The following TENM2 variants were observed in gnomAD, a reference collection of about 807,000 sequenced individuals.
TENM2 encodes teneurin transmembrane protein 2.
In TENM2, 52 loss-of-function variants were observed where a neutral mutation model predicts 245.2. The observed-to-expected ratio is 0.21, with a 90% CI of 0.17 to 0.27. TENM2 has a LOEUF of 0.27. Among genes scored for constraint, TENM2 ranks in the 10% least tolerant of loss-of-function variants. TENM2 has a pLI of 1.00. For synonymous variants in TENM2, 1,363 were observed against 1,438.9 expected (o/e 0.95, Z 1.19); for missense variants, 3,046 against 3,666.8 (o/e 0.83, Z 4.37).
At chr5:167,973,186 A>G (rs141579544) in intron 4 of TENM2, among the ~76,000 whole-genome samples, 72 of 152,370 alleles carry the variant, frequency 4.7e-4, no homozygotes, top group African/African-American at 1.6e-3. Context: ...AAGCATTATG[A>G]TCAAGGGCTT....
At chr5:167,339,781 T>C (rs115115790) in intron 1 of TENM2, among the ~76,000 whole-genome samples, 3,934 of 152,160 alleles carry the variant, frequency 0.026, 186 homozygotes, top group African/African-American at 0.09. Flanking sequence ...TAAAAGGGCT[T>C]GATGGAGATA....
At chr5:167,445,373 T>C (rs1168419901) in intron 2 of TENM2, among the ~76,000 whole-genome samples, 1 of 30,410 alleles carries the variant, frequency 3.3e-5, no homozygotes, top group Non-Finnish European at 6.6e-5. Context: ...AGAGAGAGTG[T>C]CAGGTGTTGT....
At chr5:168,137,270 G>C (rs1755136843) in intron 12 of TENM2, among the ~76,000 whole-genome samples, 1 of 152,220 alleles carries the variant, frequency 6.6e-6, no homozygotes, top group East Asian at 1.9e-4. Flanking sequence ...GGTTGGCCCA[G>C]AAGGGTCATC....
At chr5:167,336,579 T>A (rs1757767837) in intron 1 of TENM2, among the ~76,000 whole-genome samples, 1 of 151,990 alleles carries the variant, frequency 6.6e-6, no homozygotes, top group African/African-American at 2.4e-5. Flanking sequence ...ATTCCAAGGC[T>A]CCTTATACTC....
chr5:167,295,548 CTG>C (rs895234075), intron 1 of TENM2, among the ~76,000 whole-genome samples: 1 of 152,190 alleles, frequency 6.6e-6, no homozygotes, highest in African/African-American at 2.4e-5. Flanking sequence ...GCTTTACAAT[CTG>C]TGTCCAGGAG....
At chr5:167,111,677 T>C in the TENM2 span, among the ~76,000 whole-genome samples, 1 of 150,894 alleles carries the variant, frequency 6.6e-6, no homozygotes, top group East Asian at 1.9e-4. Flanking sequence ...ACTTTAGTTC[T>C]GTCTCTTTAC....
At position 168,248,021 on chromosome 5, in the gene TENM2, G is replaced by A. The variant is rs2152692709; in HGVS notation, c.7082G>A (p.Ser2361Asn). Reference sequence around the variant, plus strand: ...CACCTCTTTGCCATGGAGAGCAGCAGTGGGGAGGAGTACTATGTTGCCTCT... The same window carrying A: ...CACCTCTTTGCCATGGAGAGCAGCAATGGGGAGGAGTACTATGTTGCCTCT... The change falls in exon 27 of 29, where the codon AGT (serine) becomes AAT (asparagine). Residue 2361 changes from serine (S) to asparagine (N), a missense_variant. Transcript: ENST00000518659. The A allele has an allele frequency of 6.2e-7, 1 of 1,614,028 alleles. No homozygotes were observed. Among genetic ancestry groups the A allele is most frequent in the East Asian group, 2.2e-5 (1 of 44,876 alleles).
chr5:167,623,914 A>T (rs1474676679), intron 2 of TENM2, among the ~76,000 whole-genome samples: 1 of 152,140 alleles, frequency 6.6e-6, no homozygotes, highest in East Asian at 1.9e-4. Context: ...AAAAAGTCAA[A>T]AAATACCAGA....
chr5:167,541,639 C>T (rs1021755505), intron 2 of TENM2, among the ~76,000 whole-genome samples: 10 of 152,176 alleles, frequency 6.6e-5, no homozygotes, highest in Admixed American at 5.2e-4. Context: ...ATTCAAATTG[C>T]TTTAAGTGTT....
chr5:167,675,614 G>A (rs1173191994), intron 2 of TENM2, among the ~76,000 whole-genome samples: 3 of 152,148 alleles, frequency 2.0e-5, no homozygotes, highest in East Asian at 3.9e-4. Flanking sequence ...ACTTTATATG[G>A]GAGGTAGTCT....
In TENM2 at chr5:167,895,613, G is replaced by A. The variant is rs142100272; in HGVS notation, c.712+19418G>A. 1.1e-4 allele frequency among the ~76,000 whole-genome samples: 16 copies of A among 152,242 alleles called. 2 individuals are homozygous for A. Among genetic ancestry groups the A allele is most frequent in the African/African-American group, 3.9e-4 (16 of 41,550 alleles). On this transcript the variant is annotated intron_variant, in intron 3 of 28. Coordinates refer to ENST00000518659, the Ensembl canonical transcript of TENM2. ...GTTCTCACTCTCAAATACATACAAA[G>A]CTTATAAAATACAAACTCCTGGACC...
chr5:167,173,496 A>C, the TENM2 span, among the ~76,000 whole-genome samples: 1 of 152,156 alleles, frequency 6.6e-6, no homozygotes, highest in East Asian at 1.9e-4. Flanking sequence ...ACAGCTTATA[A>C]TGTCTTTGTA....
intron 5 of TENM2, among the ~76,000 whole-genome samples, chr5:168,036,554 T>G (rs1012817848): frequency 6.6e-5 from 10 of 150,974 alleles, no homozygotes; most frequent in African/African-American, 2.4e-4. Context: ...GATAATCGCT[T>G]GAACATGGGA....
At position 168,249,691 on chromosome 5, in the gene TENM2, G is replaced by C. The variant is rs539307618; in HGVS notation, c.7432+1320G>C. Among the ~76,000 whole-genome samples, 7 of 152,188 alleles carry C rather than the reference G, an allele frequency of 4.6e-5. No homozygotes were observed. In the East Asian group the frequency reaches 1.4e-3, roughly 29 times the overall value. On this transcript the variant is annotated intron_variant, in intron 27 of 28. Coordinates refer to ENST00000518659, the Ensembl canonical transcript of TENM2. ...GATTATCTACTTCTCTGTGATAAGT[G>C]AGAAATGGGTGAAATGAATTAGCTG...
intron 6 of TENM2, among the ~76,000 whole-genome samples, chr5:168,054,586 G>T (rs1789382596): frequency 6.6e-6 from 1 of 152,174 alleles, no homozygotes; most frequent in Non-Finnish European, 1.5e-5. Flanking sequence ...CATTTCCCTG[G>T]TATGACTATG....
chr5:167,209,051 C>T, the TENM2 span, among the ~76,000 whole-genome samples: 23 of 152,126 alleles, frequency 1.5e-4, no homozygotes, highest in Admixed American at 9.2e-4. Flanking sequence ...TGTAACTACA[C>T]GTATTTCTTT....
At chr5:167,263,524 T>C in the TENM2 span, among the ~76,000 whole-genome samples, 5 of 152,146 alleles carry the variant, frequency 3.3e-5, no homozygotes, top group Non-Finnish European at 7.4e-5. Context: ...ATTCTTTATA[T>C]CTCCTACTTG....
At chr5:167,191,095 T>C in the TENM2 span, among the ~76,000 whole-genome samples, 1 of 151,974 alleles carries the variant, frequency 6.6e-6, no homozygotes, top group Non-Finnish European at 1.5e-5. Flanking sequence ...GAAACTTTGA[T>C]ATATATTCAT....
At chr5:167,567,089 A>T (rs1773955247) in intron 2 of TENM2, among the ~76,000 whole-genome samples, 1 of 152,212 alleles carries the variant, frequency 6.6e-6, no homozygotes, top group Admixed American at 6.5e-5. Context: ...TATTTATATC[A>T]CAAACCTTTA....
Sources: allele counts gnomAD v4.1 joint callset (sites outside exome capture counted in the v4.1 genomes callset), GRCh38; gene constraint gnomAD v4.1.1; transcripts MANE v1.5; gene names NCBI Gene and HGNC (gene_info 2026-07-23, HGNC 2026-07-21).